PCDH11X: variants seen among roughly 807,000 people sequenced by gnomAD.
PCDH11X encodes protocadherin-11 X-linked.
Under a neutral mutation model 53.3 loss-of-function variants are expected in PCDH11X, and 18 were observed. That is an observed-to-expected ratio of 0.34 (90% CI 0.23 to 0.50). The LOEUF (loss-of-function observed/expected upper bound fraction) is 0.50, where lower values mean the gene tolerates loss of function less well. Ranked by LOEUF, PCDH11X falls within the 20% of genes least tolerant of loss-of-function variation. The pLI is 0.98. For missense variants in PCDH11X, 570 were observed against 1,032.4 expected, an observed-to-expected ratio of 0.55 and a Z score of 6.14; for synonymous variants, 279 against 393.3, an observed-to-expected ratio of 0.71 and a Z score of 3.44.
At chrX:91,929,864 A>G (rs1347849343) in intron 6 of PCDH11X, among the ~76,000 whole-genome samples, 1 of 111,010 alleles carries the variant, frequency 9.0e-6, no homozygotes, top group Non-Finnish European at 1.9e-5. Flanking sequence ...ATGTTTTGCA[A>G]ATATATGACA....
rs181318022 is a variant in PCDH11X at position 92,440,096 on chromosome X, A to G, written c.3344-28203A>G. The stretch of plus-strand genomic sequence containing the variant: ...TTTTTAGTGCTGAATAATGTCAAAG[A>G]TTAAATTTTCTTTTTAGAAACCATT... On this transcript the variant is annotated intron_variant, in intron 9 of 10. Coordinates refer to ENST00000682573, the MANE Select transcript of PCDH11X (RefSeq NM_032968.5). 2.5e-3 allele frequency among the ~76,000 whole-genome samples: 253 copies of G among 99,270 alleles called. 1 individual carries two copies. The highest frequency in any genetic ancestry group is 9.2e-3 in the East Asian group (28 of 3,035). 86.2% of individuals were successfully genotyped at this position (99,270 alleles called of 115,157 possible). A position where few individuals can be genotyped will look rare whatever the true frequency, so the allele number is the denominator to read the frequency against.
chrX:92,411,477 G>A (rs1305254406), intron 9 of PCDH11X, among the ~76,000 whole-genome samples: 1 of 108,175 alleles, frequency 9.2e-6, no homozygotes, highest in African/African-American at 3.4e-5. Context: ...CCCTCCCTGT[G>A]TCCATGTGTT....
At chrX:92,511,649 C>A (rs2074163388) in intron 10 of PCDH11X, among the ~76,000 whole-genome samples, 1 of 111,276 alleles carries the variant, frequency 9.0e-6, no homozygotes, top group African/African-American at 3.3e-5. Context: ...TAGATGAGAC[C>A]AAAATCCAGT....
chrX:91,794,332 G>A (rs1366813830), intron 1 of PCDH11X, among the ~76,000 whole-genome samples: 5 of 111,457 alleles, frequency 4.5e-5, no homozygotes, highest in East Asian at 2.8e-4. Flanking sequence ...TAAAGTCATC[G>A]TCAATTTAGT....
At chrX:92,151,031 C>T (rs990448620) in intron 6 of PCDH11X, among the ~76,000 whole-genome samples, 4 of 110,569 alleles carry the variant, frequency 3.6e-5, no homozygotes, top group Non-Finnish European at 7.5e-5. Context: ...AACAAAGTGA[C>T]AAGAACCAGT....
intron 4 of PCDH11X, among the ~76,000 whole-genome samples, chrX:91,816,570 T>C (rs6652610): frequency 0.12 from 13,755 of 110,909 alleles, 2,085 homozygotes; most frequent in African/African-American, 0.42. Context: ...GTGGTATTCA[T>C]TAAGACTGTA....
intron 8 of PCDH11X, among the ~76,000 whole-genome samples, chrX:92,357,130 T>TA (rs58862953): frequency 3.3e-4 from 29 of 86,826 alleles, no homozygotes; most frequent in South Asian, 9.2e-4. Flanking sequence ...TTTTTTTTTT[T>TA]AAAAAAAAGC....
chrX:92,093,865 A>G (rs1471664267), intron 6 of PCDH11X, among the ~76,000 whole-genome samples: 2 of 111,078 alleles, frequency 1.8e-5, no homozygotes, highest in African/African-American at 6.5e-5. Context: ...ATAAAGTGAT[A>G]CGCAAGAGAT....
At chrX:91,857,743 T>A (rs1938431691) in intron 5 of PCDH11X, among the ~76,000 whole-genome samples, 2 of 111,853 alleles carry the variant, frequency 1.8e-5, no homozygotes, top group South Asian at 7.5e-4. Context: ...ATGCAAGAGG[T>A]AGGTTCCCAT....
intron 10 of PCDH11X, among the ~76,000 whole-genome samples, chrX:92,601,300 C>T (rs771136366): frequency 6.8e-4 from 69 of 100,977 alleles, no homozygotes; most frequent in African/African-American, 2.6e-3. Flanking sequence ...ATAATCTCCA[C>T]GTGTTGTGGG....
At chrX:92,237,155 G>GT (rs2067186456) in intron 7 of PCDH11X, among the ~76,000 whole-genome samples, 1 of 110,520 alleles carries the variant, frequency 9.0e-6, no homozygotes, top group Non-Finnish European at 1.9e-5. Flanking sequence ...GAAATTTGTG[G>GT]TTTTTTTAAA....
intron 10 of PCDH11X, among the ~76,000 whole-genome samples, chrX:92,609,239 T>C (rs774682558): frequency 8.9e-6 from 1 of 111,966 alleles, no homozygotes; most frequent in South Asian, 3.7e-4. Context: ...CGTTTTCAAA[T>C]ATTTTGCATA....
At chrX:91,902,975 A>G (rs1941010153) in intron 6 of PCDH11X, among the ~76,000 whole-genome samples, 1 of 111,723 alleles carries the variant, frequency 9.0e-6, no homozygotes, top group South Asian at 3.7e-4. Flanking sequence ...CCAAGAATTT[A>G]AAAAGTATTA....
At chrX:92,479,579 C>A (rs1200280290) in intron 10 of PCDH11X, among the ~76,000 whole-genome samples, 1 of 108,931 alleles carries the variant, frequency 9.2e-6, no homozygotes, top group Non-Finnish European at 1.9e-5. Context: ...TCAGCATTTG[C>A]TTGTTTGAAG....
intron 6 of PCDH11X, among the ~76,000 whole-genome samples, chrX:91,946,658 C>T (rs1176438333): frequency 1.0e-4 from 9 of 90,020 alleles, no homozygotes; most frequent in Non-Finnish European, 1.9e-4. Flanking sequence ...ATGTGAAGGA[C>T]GGGTTGAGGC....
rs1362857909 is a variant in PCDH11X at position 92,437,780 on chromosome X, T to C, written c.3344-30519T>C. 4.5e-5 allele frequency among the ~76,000 whole-genome samples: 5 copies of C among 110,395 alleles called. No individual in the cohort carries two copies. In the Admixed American group the frequency reaches 4.9e-4, roughly 11 times the overall value. ...GTATTCTTGTAAGGGAAAAAGATAA[T>C]TGATAATTAGTCTGAATGAACCCAA... is the stretch of plus-strand genomic sequence containing the variant. On this transcript the variant is annotated intron_variant, in intron 9 of 10. Coordinates refer to ENST00000682573, the MANE Select transcript of PCDH11X (RefSeq NM_032968.5).
chrX:92,048,239 GAAAA>G (rs60882285), intron 6 of PCDH11X, among the ~76,000 whole-genome samples: 23 of 74,469 alleles, frequency 3.1e-4, no homozygotes, highest in African/African-American at 8.4e-4. Context: ...CTTTTCTTTT[GAAAA>G]AAAAAAAAAA....
At chrX:92,605,563 T>A (rs914415078) in intron 10 of PCDH11X, among the ~76,000 whole-genome samples, 1 of 111,330 alleles carries the variant, frequency 9.0e-6, no homozygotes, top group Admixed American at 9.5e-5. Context: ...ATGATATGAG[T>A]TTCTTATACA....
chrX:91,894,771 C>G (rs1381321023), intron 6 of PCDH11X, among the ~76,000 whole-genome samples: 4 of 110,798 alleles, frequency 3.6e-5, no homozygotes, highest in Non-Finnish European at 7.6e-5. Context: ...ATCAGAATCC[C>G]AAGAGACAAC....
Sources: gnomAD v4.1 joint callset for allele counts (sites outside exome capture counted in the v4.1 genomes callset) on GRCh38, gnomAD v4.1.1 for gene constraint, MANE v1.5 for transcripts, NCBI Gene and HGNC (gene_info 2026-07-23, HGNC 2026-07-21) for gene names.